PDGFC: variants seen among roughly 807,000 people sequenced by gnomAD.
The protein encoded by PDGFC is platelet derived growth factor C.
In PDGFC, 12 loss-of-function variants were observed where a neutral mutation model predicts 35.5. That is an observed-to-expected ratio of 0.34 (90% CI 0.22 to 0.55). The LOEUF (loss-of-function observed/expected upper bound fraction) is 0.55, where lower values mean the gene tolerates loss of function less well. Among genes scored for constraint, PDGFC ranks in the 20% least tolerant of loss-of-function variants. PDGFC has a pLI of 0.91. For synonymous variants in PDGFC, 159 were observed against 148.8 expected, an observed-to-expected ratio of 1.07 and a Z score of -0.50; for missense variants, 322 against 412.4, an observed-to-expected ratio of 0.78 and a Z score of 1.90.
chr4:156,772,550 T>C, intron 4 of PDGFC, 136 bp downstream of exon 4: 1 of 591,494 alleles, frequency 1.7e-6, no homozygotes, highest in Non-Finnish European at 3.0e-6. Flanking sequence ...ATAAATATGC[T>C]CAAATGATAA....
chr4:156,848,308 T>G (rs1345646922), intron 2 of PDGFC, among the ~76,000 whole-genome samples: 1 of 151,874 alleles, frequency 6.6e-6, no homozygotes, highest in African/African-American at 2.4e-5. Flanking sequence ...TTTTTGTATA[T>G]TGTTGGGAAA....
intron 1 of PDGFC, among the ~76,000 whole-genome samples, chr4:156,854,284 T>A (rs1462161102): frequency 6.6e-6 from 1 of 152,184 alleles, no homozygotes; most frequent in Non-Finnish European, 1.5e-5. Context: ...GGCATATAAT[T>A]GAGAAAACTA....
chr4:156,835,715 T>C (rs1579044757), intron 2 of PDGFC, among the ~76,000 whole-genome samples: 1 of 152,216 alleles, frequency 6.6e-6, no homozygotes, highest in Non-Finnish European at 1.5e-5. Flanking sequence ...ATATTCCTAG[T>C]AGTAAGTGAT....
chr4:156,793,300 TA>T (rs1192372249), intron 3 of PDGFC, among the ~76,000 whole-genome samples: 1 of 151,776 alleles, frequency 6.6e-6, no homozygotes, highest in Non-Finnish European at 1.5e-5. Context: ...TTACATATTT[TA>T]GTGTTATTAT....
At chr4:156,838,981 A>G (rs10032103) in intron 2 of PDGFC, among the ~76,000 whole-genome samples, 9,045 of 152,264 alleles carry the variant, frequency 0.059, 887 homozygotes, top group African/African-American at 0.21. Context: ...TGAGCTCTGG[A>G]AGCCCATGCT....
At chr4:156,898,279 G>A (rs1212139300) in intron 1 of PDGFC, among the ~76,000 whole-genome samples, 1 of 152,086 alleles carries the variant, frequency 6.6e-6, no homozygotes, top group African/African-American at 2.4e-5. Flanking sequence ...CCAGCCTCAA[G>A]AACCATGAGA....
At chr4:156,852,321 C>CTG (rs2111088761) in intron 1 of PDGFC, among the ~76,000 whole-genome samples, 1 of 152,290 alleles carries the variant, frequency 6.6e-6, no homozygotes, top group African/African-American at 2.4e-5. Flanking sequence ...TGCCATCAAG[C>CTG]TGTGTAACAG....
chr4:156,922,844 G>A (rs1560874770), intron 1 of PDGFC, among the ~76,000 whole-genome samples: 2 of 152,088 alleles, frequency 1.3e-5, no homozygotes, highest in Non-Finnish European at 2.9e-5. Flanking sequence ...GGATGAGACA[G>A]TGAAAAAGGA....
intron 1 of PDGFC, among the ~76,000 whole-genome samples, chr4:156,860,383 G>C (rs1010790366): frequency 6.6e-6 from 1 of 152,016 alleles, no homozygotes; most frequent in Non-Finnish European, 1.5e-5. Flanking sequence ...CGACCTTCGA[G>C]CAAGTGAACA....
At chr4:156,767,215 CATATT>C (rs1373119627) in intron 5 of PDGFC, among the ~76,000 whole-genome samples, 1 of 151,930 alleles carries the variant, frequency 6.6e-6, no homozygotes, top group Non-Finnish European at 1.5e-5. Flanking sequence ...ACTAACATGT[CATATT>C]ATATTTTCTT....
At chr4:156,919,032 C>T (rs1731213683) in intron 1 of PDGFC, among the ~76,000 whole-genome samples, 1 of 152,218 alleles carries the variant, frequency 6.6e-6, no homozygotes, top group Non-Finnish European at 1.5e-5. Flanking sequence ...TAAATGTCCT[C>T]TTTTCAGATC....
chr4:156,814,048 G>T (rs1732013956), intron 2 of PDGFC, among the ~76,000 whole-genome samples: 1 of 152,164 alleles, frequency 6.6e-6, no homozygotes, highest in African/African-American at 2.4e-5. Flanking sequence ...AGCAACTGAG[G>T]CTGGGACTAA....
intron 1 of PDGFC, among the ~76,000 whole-genome samples, chr4:156,851,786 C>T (rs1729459681): frequency 6.6e-6 from 1 of 151,606 alleles, no homozygotes; most frequent in South Asian, 2.1e-4. Flanking sequence ...AAAAAATTAG[C>T]GGGGTGCAGG....
chr4:156,828,883 G>A (rs932966466), intron 2 of PDGFC, among the ~76,000 whole-genome samples: 1 of 152,096 alleles, frequency 6.6e-6, no homozygotes, highest in Non-Finnish European at 1.5e-5. Context: ...GGCAGAATTA[G>A]CTAAAGTGGG....
At chr4:156,808,583 T>C (rs1731836130) in intron 3 of PDGFC, among the ~76,000 whole-genome samples, 1 of 151,922 alleles carries the variant, frequency 6.6e-6, no homozygotes, top group African/African-American at 2.4e-5. Flanking sequence ...CTTTCTTGCT[T>C]TAGGCTTTCA....
intron 1 of PDGFC, among the ~76,000 whole-genome samples, chr4:156,885,163 A>T (rs1186364497): frequency 1.3e-5 from 2 of 151,824 alleles, no homozygotes; most frequent in Non-Finnish European, 2.9e-5. Context: ...ACATACACAC[A>T]CACACACACA....
intron 1 of PDGFC, among the ~76,000 whole-genome samples, chr4:156,876,132 C>T (rs575114829): frequency 6.6e-6 from 1 of 152,040 alleles, no homozygotes; most frequent in African/African-American, 2.4e-5. Flanking sequence ...AAAACAATGA[C>T]CTGAGTGTGC....
intron 1 of PDGFC, among the ~76,000 whole-genome samples, chr4:156,945,346 T>TAC (rs1731917207): frequency 3.0e-4 from 3 of 9,974 alleles, no homozygotes; most frequent in African/African-American, 9.5e-4. Flanking sequence ...TACATACATA[T>TAC]ATATATATAT....
At chr4:156,763,444 T>C (rs1578993566) in intron 5 of PDGFC, among the ~76,000 whole-genome samples, 1 of 152,000 alleles carries the variant, frequency 6.6e-6, no homozygotes, top group South Asian at 2.1e-4. Context: ...ATTCTGTCTC[T>C]GAATAAGGAA....
Sources: allele counts gnomAD v4.1 joint callset (sites outside exome capture counted in the v4.1 genomes callset), GRCh38; gene constraint gnomAD v4.1.1; transcripts MANE v1.5; gene names NCBI Gene and HGNC (gene_info 2026-07-23, HGNC 2026-07-21).